COL21A1: variants seen among roughly 807,000 people sequenced by gnomAD.
The protein encoded by COL21A1 is collagen alpha-1(XXI) chain.
A neutral mutation model predicts 137.9 loss-of-function variants in COL21A1; 149 were observed. The observed-to-expected ratio is 1.08, with a 90% CI of 0.95 to 1.24. The LOEUF is 1.24. Among genes scored for constraint, COL21A1 ranks in the 50% most tolerant of loss-of-function variants. The pLI, the probability that COL21A1 is intolerant of heterozygous loss-of-function variation, is 0.00. For synonymous variants in COL21A1, 456 were observed against 391.5 expected (o/e 1.16, Z -1.95); for missense variants, 1,167 against 1,158.4 (o/e 1.01, Z -0.11).
intron 1 of COL21A1, among the ~76,000 whole-genome samples, chr6:56,245,336 C>T (rs764347018): frequency 1.2e-4 from 19 of 152,210 alleles, no homozygotes; most frequent in Non-Finnish European, 2.6e-4. Flanking sequence ...AAAACCTAGG[C>T]TATTGATTTG....
rs773999488 is a variant in COL21A1 at position 56,342,241 on chromosome 6, GA to G, written c.-39+51729del. 1.7e-4 allele frequency among the ~76,000 whole-genome samples: 26 copies of G among 152,266 alleles called. 1 individual carries two copies. Among genetic ancestry groups the G allele is most frequent in the Admixed American group, 1.2e-3 (19 of 15,292 alleles). The stretch of plus-strand genomic sequence containing the variant: ...TAAGTCAGAAGCAGCCAAACTTCTG[GA>G]AAACAGAAGTTTGATTCTGGACATG... On this transcript the variant is annotated intron_variant, in intron 1 of 28. Transcript: ENST00000370819.
At chr6:56,239,433 A>G (rs897430452) in intron 1 of COL21A1, among the ~76,000 whole-genome samples, 1 of 152,188 alleles carries the variant, frequency 6.6e-6, no homozygotes, top group Admixed American at 6.5e-5. Flanking sequence ...GAAAAGCATA[A>G]AAACGTCTAC....
chr6:56,265,591 T>C (rs1033364539), intron 1 of COL21A1, among the ~76,000 whole-genome samples: 4 of 152,216 alleles, frequency 2.6e-5, no homozygotes, highest in Admixed American at 2.0e-4. Flanking sequence ...GGTGTCATCA[T>C]TCAAAATCCC....
intron 1 of COL21A1, among the ~76,000 whole-genome samples, chr6:56,292,597 C>T (rs1764074476): frequency 6.6e-6 from 1 of 152,178 alleles, no homozygotes; most frequent in Admixed American, 6.5e-5. Flanking sequence ...GTGCCTGGTT[C>T]ACCACAAGGG....
intron 16 of COL21A1, among the ~76,000 whole-genome samples, chr6:56,123,447 G>A (rs891717701): frequency 9.9e-5 from 15 of 152,134 alleles, no homozygotes; most frequent in African/African-American, 3.4e-4. Flanking sequence ...GCAACTTTGG[G>A]ATTCAAAGAA....
At chr6:56,122,295 A>G (rs1206103263) in intron 16 of COL21A1, among the ~76,000 whole-genome samples, 1 of 151,346 alleles carries the variant, frequency 6.6e-6, no homozygotes, top group Non-Finnish European at 1.5e-5. Context: ...AGAGACCACT[A>G]CATGGGCATG....
intron 10 of COL21A1, among the ~76,000 whole-genome samples, chr6:56,150,951 C>T (rs1775270541): frequency 1.3e-5 from 2 of 152,126 alleles, no homozygotes; most frequent in African/African-American, 2.4e-5. Context: ...CGGCCGGGGG[C>T]GGTGGCTCAC....
chr6:56,283,455 A>G (rs1763829858), intron 1 of COL21A1, among the ~76,000 whole-genome samples: 2 of 152,214 alleles, frequency 1.3e-5, no homozygotes, highest in Non-Finnish European at 2.9e-5. Context: ...GAACAAAAGC[A>G]TACTTAAAAT....
chr6:56,175,784 A>G (rs1225902026), intron 3 of COL21A1, among the ~76,000 whole-genome samples: 2 of 152,204 alleles, frequency 1.3e-5, no homozygotes, highest in Non-Finnish European at 2.9e-5. Flanking sequence ...AAGCATTCCT[A>G]AAATTTATAT....
intron 1 of COL21A1, chr6:56,276,926 G>T (rs1185477996): frequency 5.2e-6 from 2 of 387,730 alleles, no homozygotes; most frequent in Non-Finnish European, 9.4e-6. Context: ...TACTGCCTCA[G>T]CCTCCCGAGT....
At chr6:56,316,772 C>T (rs1562052601) in intron 1 of COL21A1, among the ~76,000 whole-genome samples, 1 of 151,974 alleles carries the variant, frequency 6.6e-6, no homozygotes, top group African/African-American at 2.4e-5. Context: ...GAATGAGTTA[C>T]TGCACAAGGC....
At chr6:56,149,105 T>TACA (rs1224594192) in intron 10 of COL21A1, among the ~76,000 whole-genome samples, 5 of 152,220 alleles carry the variant, frequency 3.3e-5, no homozygotes, top group Non-Finnish European at 7.3e-5. Context: ...GTAAGACCCA[T>TACA]ACATTTATTC....
intron 1 of COL21A1, among the ~76,000 whole-genome samples, chr6:56,268,091 C>G (rs1448360291): frequency 2.0e-5 from 3 of 152,126 alleles, no homozygotes; most frequent in Non-Finnish European, 4.4e-5. Flanking sequence ...CAGCGCTGAG[C>G]TGGAAGTGTC....
At chr6:56,235,548 A>G (rs1363156474) in intron 1 of COL21A1, among the ~76,000 whole-genome samples, 1 of 151,966 alleles carries the variant, frequency 6.6e-6, no homozygotes, top group Non-Finnish European at 1.5e-5. Flanking sequence ...TAGCTGTACT[A>G]GGCTGACATC....
intron 1 of COL21A1, among the ~76,000 whole-genome samples, chr6:56,353,228 T>C (rs776847832): frequency 1.9e-4 from 29 of 152,184 alleles, no homozygotes; most frequent in Non-Finnish European, 3.7e-4. Context: ...TGTTGCATGA[T>C]TTCTGAAGCT....
intron 1 of COL21A1, among the ~76,000 whole-genome samples, chr6:56,388,602 C>T (rs1327765320): frequency 6.6e-6 from 1 of 152,210 alleles, no homozygotes; most frequent in Non-Finnish European, 1.5e-5. Context: ...ACAGCTGCAG[C>T]TGCAGTGACT....
intron 1 of COL21A1, among the ~76,000 whole-genome samples, chr6:56,327,212 A>T (rs757657167): frequency 2.0e-5 from 3 of 151,962 alleles, no homozygotes; most frequent in Non-Finnish European, 4.4e-5. Flanking sequence ...TTTAGATTTC[A>T]TGAATTTGTT....
chr6:56,168,431 T>C, intron 5 of COL21A1, 134 bp from the exon 6 acceptor site: 1 of 597,756 alleles, frequency 1.7e-6, no homozygotes, highest in Non-Finnish European at 2.5e-6. Context: ...TATACATTAA[T>C]TCACCCTGAT....
At chr6:56,124,697 A>C (rs939864019) in intron 14 of COL21A1, among the ~76,000 whole-genome samples, 1 of 152,106 alleles carries the variant, frequency 6.6e-6, no homozygotes, top group Admixed American at 6.5e-5. Flanking sequence ...GCTGGAGTGC[A>C]GTGGTGCAAT....
Sources: gnomAD v4.1 joint callset for allele counts (sites outside exome capture counted in the v4.1 genomes callset) on GRCh38, gnomAD v4.1.1 for gene constraint, MANE v1.5 for transcripts, NCBI Gene and HGNC (gene_info 2026-07-23, HGNC 2026-07-21) for gene names.